Variants in EFNA5 observed in about 807,000 individuals in gnomAD.
EFNA5 encodes ephrin-A5.
EFNA5 carries 5 observed loss-of-function variants against 22.9 expected under a neutral mutation model. The ratio of observed to expected loss-of-function variants is 0.22; its 90% CI spans 0.11 to 0.46. The LOEUF (loss-of-function observed/expected upper bound fraction) is 0.46. Among genes scored for constraint, EFNA5 ranks in the 20% least tolerant of loss-of-function variants. The pLI, the probability that EFNA5 is intolerant of heterozygous loss-of-function variation, is 0.99. For missense variants in EFNA5, 237 were observed against 293.3 expected (o/e 0.81, Z 1.40); for synonymous variants, 113 against 112.2 (o/e 1.01, Z -0.04).
intron 1 of EFNA5, among the ~76,000 whole-genome samples, chr5:107,592,395 A>T (rs1020780933): frequency 6.6e-6 from 1 of 151,958 alleles, no homozygotes; most frequent in Non-Finnish European, 1.5e-5. Flanking sequence ...ATGCAAATAC[A>T]CCCCTCATTC....
At chr5:107,620,934 C>A (rs904012960) in intron 1 of EFNA5, among the ~76,000 whole-genome samples, 2 of 152,152 alleles carry the variant, frequency 1.3e-5, no homozygotes, top group African/African-American at 4.8e-5. Flanking sequence ...TAAGAAAAAT[C>A]CATATTTGGA....
chr5:107,589,460 G>C (rs1229236891), intron 1 of EFNA5, among the ~76,000 whole-genome samples: 1 of 152,014 alleles, frequency 6.6e-6, no homozygotes, highest in Non-Finnish European at 1.5e-5. Flanking sequence ...ACTAAAAACT[G>C]ACTATAAACA....
chr5:107,623,572 A>C (rs1750083020), intron 1 of EFNA5, among the ~76,000 whole-genome samples: 1 of 152,196 alleles, frequency 6.6e-6, no homozygotes, highest in Non-Finnish European at 1.5e-5. Flanking sequence ...GACATTAAAC[A>C]TAACTTTCCA....
intron 1 of EFNA5, among the ~76,000 whole-genome samples, chr5:107,591,509 C>G (rs1215066874): frequency 6.6e-6 from 1 of 151,910 alleles, no homozygotes; most frequent in African/African-American, 2.4e-5. Context: ...AGGAATTTAA[C>G]CCATGGTAGA....
Position 107,617,209 on chromosome 5 carries a change from T to TACACACAC in EFNA5, c.125+53272_125+53279dup, listed in dbSNP as rs373146585. 7.3e-3 allele frequency among the ~76,000 whole-genome samples: 1,030 copies of TACACACAC among 141,130 alleles called. 10 individuals are homozygous for TACACACAC. The highest frequency in any genetic ancestry group is 0.025 in the African/African-American group (876 of 35,648). The allele number at this position is 141,130 out of a possible 152,430, so 92.6% of individuals were successfully genotyped here. On this transcript the variant is annotated intron_variant, in intron 1 of 4. Transcript: ENST00000333274. ...CATTACACATACTTACATGTGCACA[T>TACACACAC]ACACACACACACACACACACACACA...
chr5:107,643,040 T>C (rs73781149), intron 1 of EFNA5, among the ~76,000 whole-genome samples: 1,608 of 151,890 alleles, frequency 0.011, 33 homozygotes, highest in African/African-American at 0.035. Context: ...AAAAGGCATA[T>C]ATTGAGACAA....
At chr5:107,497,874 A>G (rs1013865318) in intron 1 of EFNA5, among the ~76,000 whole-genome samples, 12 of 152,222 alleles carry the variant, frequency 7.9e-5, no homozygotes, top group Non-Finnish European at 1.6e-4. Flanking sequence ...TAAAACATTT[A>G]ATTATTAGCA....
chr5:107,399,178 G>A (rs937359594), intron 2 of EFNA5, among the ~76,000 whole-genome samples: 9 of 151,992 alleles, frequency 5.9e-5, no homozygotes, highest in African/African-American at 1.9e-4. Flanking sequence ...GAGGCCAGGC[G>A]TGGTGGCTCA....
intron 1 of EFNA5, among the ~76,000 whole-genome samples, chr5:107,547,560 A>T (rs1286863395): frequency 6.6e-6 from 1 of 152,170 alleles, no homozygotes; most frequent in Non-Finnish European, 1.5e-5. Context: ...TACTTCATGA[A>T]ACCAATGCCT....
At chr5:107,476,028 G>A (rs117311914) in intron 1 of EFNA5, among the ~76,000 whole-genome samples, 5,027 of 88,788 alleles carry the variant, frequency 0.057, 226 homozygotes, top group Admixed American at 0.14. Context: ...ATACCAAGGT[G>A]GCTTGAGAGT....
intron 1 of EFNA5, among the ~76,000 whole-genome samples, chr5:107,649,744 T>C (rs1448305547): frequency 6.6e-6 from 1 of 152,180 alleles, no homozygotes; most frequent in Admixed American, 6.6e-5. Flanking sequence ...CATTTGAAAG[T>C]ATTAATAGCT....
chr5:107,652,001 G>A (rs577857847), intron 1 of EFNA5, among the ~76,000 whole-genome samples: 6 of 152,234 alleles, frequency 3.9e-5, no homozygotes, highest in East Asian at 1.9e-4. Flanking sequence ...ATGCAGCCTC[G>A]TGTATGTGTG....
rs969606523 is a variant in EFNA5, at chr5:107,450,418, C to T, written c.126-22909G>A. On this transcript the variant is annotated intron_variant, in intron 1 of 4. Coordinates refer to ENST00000333274, the MANE Select transcript of EFNA5 (RefSeq NM_001962.3). Reference sequence around the variant, plus strand: ...TGCCTCCTGCCATGCTCCCTCTCTTCCCTTCTTTCTAAATTAGTTTTGTCG... The same window carrying T: ...TGCCTCCTGCCATGCTCCCTCTCTTTCCTTCTTTCTAAATTAGTTTTGTCG... Among the ~76,000 whole-genome samples the T allele has an allele frequency of 2.0e-5, 3 of 152,288 alleles. No homozygotes were observed. The East Asian group carries it at 5.8e-4, about 29-fold the overall frequency.
intron 1 of EFNA5, among the ~76,000 whole-genome samples, chr5:107,643,385 C>T (rs1363396779): frequency 6.6e-6 from 1 of 152,184 alleles, no homozygotes; most frequent in Non-Finnish European, 1.5e-5. Flanking sequence ...GAAGCACCCT[C>T]TATTGACTGC....
chr5:107,583,828 A>T (rs1392385757), intron 1 of EFNA5, among the ~76,000 whole-genome samples: 1 of 152,164 alleles, frequency 6.6e-6, no homozygotes, highest in African/African-American at 2.4e-5. Flanking sequence ...GCACAGACAA[A>T]CTGAATATTT....
chr5:107,470,634 C>T (rs916642868), intron 1 of EFNA5, among the ~76,000 whole-genome samples: 15 of 152,230 alleles, frequency 9.9e-5, no homozygotes, highest in African/African-American at 3.6e-4. Flanking sequence ...TTCTCAATTT[C>T]GGCACTCCTT....
At chr5:107,490,472 A>G (rs749643522) in intron 1 of EFNA5, among the ~76,000 whole-genome samples, 1 of 152,232 alleles carries the variant, frequency 6.6e-6, no homozygotes, top group South Asian at 2.1e-4. Flanking sequence ...ACATTTTCCA[A>G]AAAAAGAATC....
intron 1 of EFNA5, among the ~76,000 whole-genome samples, chr5:107,496,691 A>T (rs1319585188): frequency 6.6e-6 from 1 of 152,200 alleles, no homozygotes; most frequent in Non-Finnish European, 1.5e-5. Flanking sequence ...CTAAGCAATA[A>T]AGTGCGCTTA....
intron 1 of EFNA5, among the ~76,000 whole-genome samples, chr5:107,465,982 A>G (rs1749969708): frequency 6.6e-6 from 1 of 151,952 alleles, no homozygotes; most frequent in Admixed American, 6.6e-5. Flanking sequence ...CGGGTATCTC[A>G]TTTTCAGCTC....
Sources: allele counts gnomAD v4.1 joint callset (sites outside exome capture counted in the v4.1 genomes callset), GRCh38; gene constraint gnomAD v4.1.1; transcripts MANE v1.5; gene names NCBI Gene and HGNC (gene_info 2026-07-23, HGNC 2026-07-21).